The following PDGFC variants were observed in gnomAD, a reference collection of about 807,000 sequenced individuals.
The protein encoded by PDGFC is platelet derived growth factor C, also known as platelet-derived growth factor C.
A neutral mutation model predicts 35.5 loss-of-function variants in PDGFC; 12 were observed. That is an observed-to-expected ratio of 0.34 (90% CI 0.22 to 0.55). PDGFC has a LOEUF of 0.55. PDGFC is among the 20% of genes least tolerant of loss of function. The pLI, the probability that PDGFC is intolerant of heterozygous loss-of-function variation, is 0.91. For missense variants in PDGFC, 322 were observed against 412.4 expected, an observed-to-expected ratio of 0.78 and a Z score of 1.90; for synonymous variants, 159 against 148.8, an observed-to-expected ratio of 1.07 and a Z score of -0.50.
chr4:156,854,416 C>T (rs186308071), intron 1 of PDGFC, among the ~76,000 whole-genome samples: 1 of 151,862 alleles, frequency 6.6e-6, no homozygotes, highest in Admixed American at 6.6e-5. Flanking sequence ...TTAAATTGGA[C>T]TATATTTAAA....
chr4:156,922,121 C>G (rs1034633197), intron 1 of PDGFC, among the ~76,000 whole-genome samples: 2 of 150,576 alleles, frequency 1.3e-5, no homozygotes, highest in Non-Finnish European at 3.0e-5. Flanking sequence ...AAGACAGGGA[C>G]CTGTAGTGTT....
intron 1 of PDGFC, among the ~76,000 whole-genome samples, chr4:156,944,133 G>A (rs1221296474): frequency 1.3e-5 from 2 of 152,114 alleles, no homozygotes; most frequent in Non-Finnish European, 2.9e-5. Context: ...GAGCCAGACT[G>A]CCCTTGCTGA....
chr4:156,901,966 C>T (rs116442246), intron 1 of PDGFC, among the ~76,000 whole-genome samples: 2,486 of 152,124 alleles, frequency 0.016, 74 homozygotes, highest in African/African-American at 0.057. Flanking sequence ...ACATTGACAG[C>T]GATGCCAGGA....
At chr4:156,865,911 T>C (rs923010253) in intron 1 of PDGFC, among the ~76,000 whole-genome samples, 11 of 152,202 alleles carry the variant, frequency 7.2e-5, no homozygotes, top group Non-Finnish European at 1.5e-4. Context: ...TTAATAGTGC[T>C]TCGTTTAACA....
chr4:156,904,095 A>G (rs1202450793), intron 1 of PDGFC, among the ~76,000 whole-genome samples: 1 of 152,158 alleles, frequency 6.6e-6, no homozygotes, highest in Non-Finnish European at 1.5e-5. Flanking sequence ...CAATGATATT[A>G]CAGCATACAA....
At chr4:156,855,928 T>C (rs1729569522) in intron 1 of PDGFC, among the ~76,000 whole-genome samples, 1 of 152,168 alleles carries the variant, frequency 6.6e-6, no homozygotes, top group African/African-American at 2.4e-5. Flanking sequence ...CTAATCTTAT[T>C]TGATTCTGTA....
intron 1 of PDGFC, among the ~76,000 whole-genome samples, chr4:156,935,397 C>T (rs1731654595): frequency 6.6e-6 from 1 of 152,166 alleles, no homozygotes; most frequent in Non-Finnish European, 1.5e-5. Context: ...TTATCTTTAT[C>T]AAGTATTATG....
At chr4:156,878,428 AAAATTAC>A (rs946422846) in intron 1 of PDGFC, among the ~76,000 whole-genome samples, 3 of 152,192 alleles carry the variant, frequency 2.0e-5, no homozygotes, top group African/African-American at 4.8e-5. Context: ...ATTTTTATTA[AAAATTAC>A]AATTAACAAA....
chr4:156,775,347 CAGT>C (rs1195782376), intron 3 of PDGFC, among the ~76,000 whole-genome samples: 1 of 151,974 alleles, frequency 6.6e-6, no homozygotes, highest in Non-Finnish European at 1.5e-5. Flanking sequence ...GTCAAAGAAT[CAGT>C]ATTATTACAA....
intron 1 of PDGFC, among the ~76,000 whole-genome samples, chr4:156,892,576 A>G (rs1486989156): frequency 1.3e-5 from 2 of 152,216 alleles, no homozygotes; most frequent in South Asian, 2.1e-4. Context: ...ATCCAAAAAA[A>G]GGATATAAAA....
intron 1 of PDGFC, among the ~76,000 whole-genome samples, chr4:156,880,721 G>T (rs1025333637): frequency 7.2e-5 from 11 of 152,200 alleles, no homozygotes; most frequent in African/African-American, 2.7e-4. Flanking sequence ...GTTCAACAGT[G>T]CAGTGGAAGA....
intron 2 of PDGFC, among the ~76,000 whole-genome samples, chr4:156,818,604 T>A (rs533342038): frequency 7.2e-6 from 1 of 139,604 alleles, no homozygotes; most frequent in South Asian, 2.4e-4. Context: ...CACTGCAAGC[T>A]CCGCCTCCTG....
At chr4:156,960,564 T>C (rs1213631537) in intron 1 of PDGFC, among the ~76,000 whole-genome samples, 1 of 151,738 alleles carries the variant, frequency 6.6e-6, no homozygotes, top group African/African-American at 2.4e-5. Flanking sequence ...AATAATAAAA[T>C]GCATAGTTGT....
chr4:156,951,774 C>T (rs531213376), intron 1 of PDGFC, among the ~76,000 whole-genome samples: 2 of 150,102 alleles, frequency 1.3e-5, no homozygotes, highest in Non-Finnish European at 3.0e-5. Flanking sequence ...CTTTGAAAGA[C>T]TTCATTGCAC....
chr4:156,816,443 A>C (rs2110962282), intron 2 of PDGFC, among the ~76,000 whole-genome samples: 1 of 152,322 alleles, frequency 6.6e-6, no homozygotes, highest in Non-Finnish European at 1.5e-5. Flanking sequence ...CAAATTGTTT[A>C]TCTATGCTTT....
intron 1 of PDGFC, among the ~76,000 whole-genome samples, chr4:156,894,288 C>T (rs959273857): frequency 6.6e-6 from 1 of 152,148 alleles, no homozygotes; most frequent in African/African-American, 2.4e-5. Flanking sequence ...AGTCTAAATA[C>T]ATAATGTAGG....
In PDGFC at chr4:156,957,378, T is replaced by C. The variant is rs868479599; in HGVS notation, c.118+13408A>G. On this transcript the variant is annotated intron_variant, in intron 1 of 5. Coordinates refer to ENST00000502773, the MANE Select transcript of PDGFC (RefSeq NM_016205.3). ...TCTACACCACTTATTACACTGAAGA[T>C]TTTTTCTTTGTGTCAACCTGGAAAA... Among the ~76,000 whole-genome samples, 7 of 152,094 alleles carry C rather than the reference T, an allele frequency of 4.6e-5. No individual in the cohort carries two copies. The South Asian group carries it at 1.2e-3, about 27-fold the overall frequency.
intron 5 of PDGFC, among the ~76,000 whole-genome samples, chr4:156,764,058 A>G (rs1730454201): frequency 6.6e-6 from 1 of 152,220 alleles, no homozygotes; most frequent in Non-Finnish European, 1.5e-5. Context: ...TAGAAACAAT[A>G]AAGTTTAGGA....
At chr4:156,808,976 T>A (rs1181205463) in intron 3 of PDGFC, among the ~76,000 whole-genome samples, 1 of 152,062 alleles carries the variant, frequency 6.6e-6, no homozygotes, top group Non-Finnish European at 1.5e-5. Flanking sequence ...ATCACCAACT[T>A]ACACTTATTA....
Sources: gnomAD v4.1 joint callset for allele counts (sites outside exome capture counted in the v4.1 genomes callset) on GRCh38, gnomAD v4.1.1 for gene constraint, MANE v1.5 for transcripts, NCBI Gene and HGNC (gene_info 2026-07-23, HGNC 2026-07-21) for gene names.